The following AOAH variants were observed in gnomAD, a reference collection of about 807,000 sequenced individuals.
AOAH encodes the protein acyloxyacyl hydrolase.
In AOAH, 64 loss-of-function variants were observed where a neutral mutation model predicts 92.2. The ratio of observed to expected loss-of-function variants is 0.69; its 90% CI spans 0.57 to 0.86. The LOEUF is 0.86. Among genes scored for constraint, AOAH ranks in the 40% least tolerant of loss-of-function variants. The pLI, the probability that AOAH is intolerant of heterozygous loss-of-function variation, is 0.00. For synonymous variants in AOAH, 263 were observed against 254.5 expected (o/e 1.03, Z -0.32); for missense variants, 656 against 694.6 (o/e 0.94, Z 0.62).
At chr7:36,603,515 C>T (rs1409251370) in intron 11 of AOAH, among the ~76,000 whole-genome samples, 1 of 152,186 alleles carries the variant, frequency 6.6e-6, no homozygotes, top group African/African-American at 2.4e-5. Flanking sequence ...GCTGACTGCA[C>T]CTAACCCTCT....
At chr7:36,687,849 G>A (rs1039216605) in intron 1 of AOAH, among the ~76,000 whole-genome samples, 7 of 152,064 alleles carry the variant, frequency 4.6e-5, no homozygotes, top group South Asian at 2.1e-4. Flanking sequence ...GGCTGATAAC[G>A]GATATGAACA....
intron 2 of AOAH, among the ~76,000 whole-genome samples, chr7:36,683,862 T>C (rs12333595): frequency 0.018 from 2,720 of 152,058 alleles, 89 homozygotes; most frequent in African/African-American, 0.063. Flanking sequence ...GGTGCGGTGG[T>C]GGGCTCCAGT....
intron 19 of AOAH, among the ~76,000 whole-genome samples, chr7:36,525,269 G>A (rs1385365549): frequency 6.6e-6 from 1 of 152,174 alleles, no homozygotes; most frequent in East Asian, 1.9e-4. Context: ...CAGGAGCTCT[G>A]GAAAATCCAC....
intron 2 of AOAH, among the ~76,000 whole-genome samples, chr7:36,680,062 A>G (rs1049089737): frequency 1.3e-5 from 2 of 152,218 alleles, no homozygotes; most frequent in Non-Finnish European, 2.9e-5. Flanking sequence ...ATGAGTTTTT[A>G]ACAATTATAT....
chr7:36,519,230 G>T (rs2115784844), intron 20 of AOAH, among the ~76,000 whole-genome samples: 1 of 152,280 alleles, frequency 6.6e-6, no homozygotes, highest in African/African-American at 2.4e-5. Context: ...ATACGCGGTA[G>T]ATTTCTCCGT....
At chr7:36,625,842 A>G (rs1792626670) in intron 6 of AOAH, among the ~76,000 whole-genome samples, 1 of 152,200 alleles carries the variant, frequency 6.6e-6, no homozygotes, top group South Asian at 2.1e-4. Flanking sequence ...AAGCTAGGGC[A>G]AGATCATCCT....
At chr7:36,700,124 A>G (rs1797944501) in intron 1 of AOAH, among the ~76,000 whole-genome samples, 1 of 151,806 alleles carries the variant, frequency 6.6e-6, no homozygotes, top group South Asian at 2.1e-4. Flanking sequence ...ATGGATTTAT[A>G]TTTATTTTGT....
intron 20 of AOAH, among the ~76,000 whole-genome samples, chr7:36,518,268 G>T (rs1411749826): frequency 6.6e-6 from 1 of 151,990 alleles, no homozygotes; most frequent in Non-Finnish European, 1.5e-5. Context: ...GGAATGCAGT[G>T]ACGCAATCTT....
chr7:36,673,359 GA>G (rs2116653724), intron 3 of AOAH, among the ~76,000 whole-genome samples: 1 of 152,150 alleles, frequency 6.6e-6, no homozygotes, highest in African/African-American at 2.4e-5. Context: ...CCAACATGGT[GA>G]AACCCCATCT....
chr7:36,703,848 T>C (rs1294708834), intron 1 of AOAH, among the ~76,000 whole-genome samples: 1 of 152,178 alleles, frequency 6.6e-6, no homozygotes, highest in East Asian at 1.9e-4. Flanking sequence ...CTGGGTTGAA[T>C]GTTATTTATA....
At chr7:36,534,214 C>T (rs1456203649) in intron 16 of AOAH, among the ~76,000 whole-genome samples, 2 of 152,226 alleles carry the variant, frequency 1.3e-5, no homozygotes, top group Admixed American at 1.3e-4. Flanking sequence ...CTCCACGCTG[C>T]CTGATGCCCT....
intron 6 of AOAH, among the ~76,000 whole-genome samples, chr7:36,629,699 A>G (rs1310862784): frequency 6.6e-6 from 1 of 152,182 alleles, no homozygotes; most frequent in Non-Finnish European, 1.5e-5. Flanking sequence ...TCTCTCTAAG[A>G]GGCTCCAAAT....
chr7:36,612,792 GTTATC>G (rs1052068081), intron 11 of AOAH, among the ~76,000 whole-genome samples: 5 of 152,184 alleles, frequency 3.3e-5, no homozygotes, highest in Admixed American at 1.3e-4. Context: ...GAATTGCATT[GTTATC>G]TTAATTTGTT....
chr7:36,644,589 T>G (rs1395284702), intron 4 of AOAH, among the ~76,000 whole-genome samples: 1 of 152,178 alleles, frequency 6.6e-6, no homozygotes, highest in Non-Finnish European at 1.5e-5. Flanking sequence ...GAGACATTTT[T>G]AAGGTATGGT....
chr7:36,543,676 T>TAATC (rs963988203), intron 15 of AOAH, among the ~76,000 whole-genome samples: 1 of 152,214 alleles, frequency 6.6e-6, no homozygotes, highest in Admixed American at 6.5e-5. Flanking sequence ...TAAGCAAGCA[T>TAATC]AATCAACATG....
chr7:36,634,094 G>A (rs888198934), intron 5 of AOAH, among the ~76,000 whole-genome samples: 2 of 152,100 alleles, frequency 1.3e-5, no homozygotes, highest in East Asian at 3.9e-4. Flanking sequence ...TGGTTAGAAG[G>A]GTGACTCCAG....
At chr7:36,615,613 A>T (rs1026946106) in intron 11 of AOAH, among the ~76,000 whole-genome samples, 13 of 152,212 alleles carry the variant, frequency 8.5e-5, no homozygotes, top group African/African-American at 3.1e-4. Flanking sequence ...ACCCTTTGCC[A>T]CACAATCTCC....
chr7:36,637,399 AAGC>A (rs1388741088), intron 5 of AOAH, among the ~76,000 whole-genome samples: 1 of 152,104 alleles, frequency 6.6e-6, no homozygotes, highest in African/African-American at 2.4e-5. Context: ...GAAAGTGGAG[AAGC>A]AGGAGGATAC....
At chr7:36,572,179 A>G (rs1242433215) in intron 13 of AOAH, among the ~76,000 whole-genome samples, 1 of 152,198 alleles carries the variant, frequency 6.6e-6, no homozygotes. Flanking sequence ...TATTGCTAAC[A>G]ATAACAAAAA....
Sources: allele counts gnomAD v4.1 joint callset (sites outside exome capture counted in the v4.1 genomes callset), GRCh38; gene constraint gnomAD v4.1.1; transcripts MANE v1.5; gene names NCBI Gene and HGNC (gene_info 2026-07-23, HGNC 2026-07-21).